ANKRD6: variants seen among roughly 807,000 people sequenced by gnomAD.
ANKRD6 encodes the protein ankyrin repeat domain-containing protein 6.
In ANKRD6, 56 loss-of-function variants were observed where a neutral mutation model predicts 82.3. That is an observed-to-expected ratio of 0.68 (90% CI 0.55 to 0.85). The LOEUF (loss-of-function observed/expected upper bound fraction) is 0.85, where lower values mean the gene tolerates loss of function less well. Among genes scored for constraint, ANKRD6 ranks in the 40% least tolerant of loss-of-function variants. The pLI is 0.00. For missense variants in ANKRD6, 852 were observed against 907.6 expected (o/e 0.94, Z 0.79); for synonymous variants, 347 against 352.1 (o/e 0.99, Z 0.16).
intron 4 of ANKRD6, among the ~76,000 whole-genome samples, 186 bp downstream of exon 4, chr6:89,603,313 A>T (rs1272232920): frequency 6.6e-6 from 1 of 150,622 alleles, no homozygotes; most frequent in Non-Finnish European, 1.5e-5. Context: ...TATCCCAGCC[A>T]ATTGTAATTT....
chr6:89,574,977 T>C (rs975868598), intron 2 of ANKRD6, among the ~76,000 whole-genome samples: 9 of 152,162 alleles, frequency 5.9e-5, no homozygotes, highest in Admixed American at 5.2e-4. Flanking sequence ...TTTTTATGCT[T>C]AGGTTCAAAA....
chr6:89,627,494 G>A (rs1050453882), intron 13 of ANKRD6, 89 bp from the exon 14 acceptor site: 12 of 1,122,836 alleles, frequency 1.1e-5, no homozygotes, highest in African/African-American at 3.1e-5. Context: ...GCTCCTACTT[G>A]GTTCCCCAAG....
rs1190720484 is a variant in ANKRD6, at chr6:89,466,296, A to AT, written c.-144+32927dup. On this transcript the variant is annotated intron_variant, in intron 1 of 15. Coordinates refer to ENST00000339746, the MANE Select transcript of ANKRD6 (RefSeq NM_001242809.2). ...TTTTATATGTAATGCTTGAACAAAC[A>AT]TTTTTTGTACATTAATTTCACACTT... Among the ~76,000 whole-genome samples the AT allele has an allele frequency of 5.3e-5, 8 of 152,298 alleles. 1 individual carries two copies. In the South Asian group the frequency reaches 1.7e-3, roughly 32 times the overall value.
rs891326537 is a variant in ANKRD6 at position 89,632,220 on chromosome 6, C to T, written c.*1216C>T. The T allele has an allele frequency of 1.3e-5, 2 of 152,134 alleles. No individual in the cohort carries two copies. Among genetic ancestry groups the T allele is most frequent in the African/African-American group, 4.8e-5 (2 of 41,416 alleles). The allele number at this position is 152,134 out of a possible 1,614,324, so 9.4% of individuals were successfully genotyped here. ...TGAACGTAATTGTAATAAAATGCTG[C>T]TCATTGAGCCAAAGAGAAGAAATGA... On this transcript the variant is annotated 3_prime_UTR_variant, in exon 16 of 16. Transcript: ENST00000339746.
intron 1 of ANKRD6, among the ~76,000 whole-genome samples, chr6:89,479,722 T>C (rs910270582): frequency 6.6e-6 from 1 of 151,796 alleles, no homozygotes; most frequent in African/African-American, 2.4e-5. Flanking sequence ...GCTGCACCCA[T>C]TAACTCATCA....
At chr6:89,616,220 G>A (rs973194322) in intron 7 of ANKRD6, among the ~76,000 whole-genome samples, 1 of 152,208 alleles carries the variant, frequency 6.6e-6, no homozygotes, top group Non-Finnish European at 1.5e-5. Flanking sequence ...TGACTAGCCT[G>A]CCTGCCCCAG....
intron 2 of ANKRD6, among the ~76,000 whole-genome samples, chr6:89,591,092 C>T (rs1054145322): frequency 8.5e-5 from 13 of 152,110 alleles, no homozygotes; most frequent in Middle Eastern, 3.4e-3. Flanking sequence ...TTTAAAACTT[C>T]GTCCTTTTTT....
chr6:89,463,136 G>A (rs1397286873), intron 1 of ANKRD6, among the ~76,000 whole-genome samples: 1 of 152,014 alleles, frequency 6.6e-6, no homozygotes, highest in African/African-American at 2.4e-5. Flanking sequence ...CCAGAGTGTT[G>A]GGATTACAGC....
chr6:89,620,636 C>T (rs956775668), intron 9 of ANKRD6, among the ~76,000 whole-genome samples: 1 of 152,188 alleles, frequency 6.6e-6, no homozygotes, highest in African/African-American at 2.4e-5. Flanking sequence ...CTGTTAAACA[C>T]CCCCTGCCAA....
At chr6:89,507,958 T>C (rs1285251841) in intron 1 of ANKRD6, among the ~76,000 whole-genome samples, 3 of 152,068 alleles carry the variant, frequency 2.0e-5, no homozygotes, top group Non-Finnish European at 4.4e-5. Context: ...CCTACACTTT[T>C]CCCCCCAAGT....
chr6:89,451,154 A>G (rs895877284), intron 1 of ANKRD6, among the ~76,000 whole-genome samples: 1 of 152,176 alleles, frequency 6.6e-6, no homozygotes, highest in Non-Finnish European at 1.5e-5. Flanking sequence ...CAAAAAATAC[A>G]AAAAGTTAGT....
intron 1 of ANKRD6, among the ~76,000 whole-genome samples, chr6:89,518,140 C>T (rs371114876): frequency 7.9e-5 from 12 of 152,202 alleles, no homozygotes; most frequent in South Asian, 2.1e-4. Context: ...TGGTGGCTCA[C>T]GCCTGTGATC....
intron 2 of ANKRD6, among the ~76,000 whole-genome samples, chr6:89,586,680 G>C (rs548825339): frequency 2.1e-4 from 32 of 151,682 alleles, no homozygotes; most frequent in African/African-American, 7.5e-4. Context: ...AAGCAAGACT[G>C]TCTTGGGGGA....
intron 7 of ANKRD6, among the ~76,000 whole-genome samples, chr6:89,614,855 A>AC (rs575395985): frequency 2.6e-5 from 4 of 151,386 alleles, no homozygotes; most frequent in East Asian, 1.9e-4. Context: ...AAAAAAACAA[A>AC]AAAAAAAACC....
At position 89,627,645 on chromosome 6, in the gene ANKRD6, C is replaced by G; in HGVS notation, c.1434C>G (p.Asn478Lys). 6.2e-7 allele frequency: 1 copy of G among 1,613,818 alleles called. No individual in the cohort carries two copies. The highest frequency in any genetic ancestry group is 8.5e-7 in the Non-Finnish European group (1 of 1,179,782). ...CTGCAGAGAGGACGGAGTGCCTGAACCGCCTGCAACAGCACTCAGACACAG... is the reference window on the plus strand; with the variant it reads ...CTGCAGAGAGGACGGAGTGCCTGAAGCGCCTGCAACAGCACTCAGACACAG... ...RLSAERTECL[N>K]RLQQHSDTEK... The change falls in exon 14 of 16, where the codon AAC becomes AAG. Residue 478 changes from asparagine to lysine, a missense_variant. Coordinates refer to ENST00000339746, the MANE Select transcript of ANKRD6 (RefSeq NM_001242809.2).
At chr6:89,609,779 T>C (rs893658384) in intron 5 of ANKRD6, among the ~76,000 whole-genome samples, 1 of 152,050 alleles carries the variant, frequency 6.6e-6, no homozygotes, top group African/African-American at 2.4e-5. Flanking sequence ...GCCCAGCTAA[T>C]TTTTGTATTT....
chr6:89,596,101 G>A, intron 3 of ANKRD6, 87 bp downstream of exon 3: 4 of 1,132,208 alleles, frequency 3.5e-6, no homozygotes, highest in South Asian at 1.3e-5. Context: ...TGTGAGATGG[G>A]AGGGTAGTAG....
At chr6:89,630,354 A>G in intron 15 of ANKRD6, 79 bp from the exon 16 acceptor site, 1 of 1,495,140 alleles carries the variant, frequency 6.7e-7, no homozygotes, top group South Asian at 1.3e-5. Flanking sequence ...GATCCTTAAG[A>G]CTCTAAAATA....
chr6:89,588,950 G>A (rs1000766805), intron 2 of ANKRD6, among the ~76,000 whole-genome samples: 41 of 131,570 alleles, frequency 3.1e-4, no homozygotes, highest in African/African-American at 5.5e-4. Flanking sequence ...CTGAGATTGC[G>A]CCACTGCACT....
Sources: allele counts gnomAD v4.1 joint callset (sites outside exome capture counted in the v4.1 genomes callset), GRCh38; gene constraint gnomAD v4.1.1; transcripts MANE v1.5; gene names NCBI Gene and HGNC (gene_info 2026-07-23, HGNC 2026-07-21).